GPC6: variants seen among roughly 807,000 people sequenced by gnomAD.
The protein encoded by GPC6 is glypican 6.
A neutral mutation model predicts 55.2 loss-of-function variants in GPC6; 14 were observed. The observed-to-expected ratio is 0.25, with a 90% CI of 0.17 to 0.40. The LOEUF is 0.40. GPC6 is among the 10% of genes least tolerant of loss of function. The pLI is 1.00. For missense variants in GPC6, 641 were observed against 708.5 expected, an observed-to-expected ratio of 0.90 and a Z score of 1.08; for synonymous variants, 278 against 259.6, an observed-to-expected ratio of 1.07 and a Z score of -0.68.
chr13:93,948,525 C>A (rs1379856860), intron 3 of GPC6, among the ~76,000 whole-genome samples: 1 of 152,128 alleles, frequency 6.6e-6, no homozygotes, highest in Non-Finnish European at 1.5e-5. Flanking sequence ...TTAATAGATA[C>A]ATCCAATGTT....
chr13:93,920,496 C>T (rs918258051), intron 3 of GPC6, among the ~76,000 whole-genome samples: 1 of 152,170 alleles, frequency 6.6e-6, no homozygotes, highest in African/African-American at 2.4e-5. Context: ...TCAAGTTTAA[C>T]AGGTTCAAAA....
intron 1 of GPC6, among the ~76,000 whole-genome samples, chr13:93,462,186 A>T (rs547248996): frequency 4.3e-4 from 65 of 152,272 alleles, no homozygotes; most frequent in Non-Finnish European, 7.6e-4. Context: ...TATCTGTTGG[A>T]TGAGATTCAA....
intron 4 of GPC6, among the ~76,000 whole-genome samples, chr13:94,074,829 T>G (rs2138787547): frequency 6.6e-6 from 1 of 152,344 alleles, no homozygotes; most frequent in Middle Eastern, 3.4e-3. Flanking sequence ...TATTCTTTCC[T>G]TAGTTAAATG....
In GPC6 at chr13:94,404,243, T is replaced by G. The variant is rs535690035; in HGVS notation, c.*1026T>G. 1.3e-5 allele frequency: 2 copies of G among 152,228 alleles called. No homozygotes were observed. The highest frequency in any genetic ancestry group is 3.9e-4 in the East Asian group (2 of 5,186). 9.4% of individuals were successfully genotyped at this position (152,228 alleles called of 1,614,324 possible). A position where few individuals can be genotyped will look rare whatever the true frequency, so the allele number is the denominator to read the frequency against. On this transcript the variant is annotated 3_prime_UTR_variant, in exon 9 of 9. Transcript: ENST00000377047. ...TAACTATTTACTTTGTGTCAGTTGG[T>G]TTCTGCATCACAAGGGCATTCTCTT...
intron 4 of GPC6, among the ~76,000 whole-genome samples, chr13:94,107,440 A>T (rs953643252): frequency 6.6e-6 from 1 of 152,118 alleles, no homozygotes; most frequent in African/African-American, 2.4e-5. Flanking sequence ...TCACAACTCT[A>T]TAATATGTAG....
intron 1 of GPC6, among the ~76,000 whole-genome samples, chr13:93,542,685 T>C (rs988215763): frequency 1.3e-5 from 2 of 151,780 alleles, no homozygotes; most frequent in African/African-American, 2.4e-5. Context: ...TTGTTTGTAT[T>C]CTCTTTTATT....
intron 7 of GPC6, among the ~76,000 whole-genome samples, chr13:94,389,554 T>C (rs1880554624): frequency 6.6e-6 from 1 of 152,162 alleles, no homozygotes. Context: ...TTTTAGAACA[T>C]AGCCATGTTA....
At chr13:93,711,418 C>T (rs1883058575) in intron 2 of GPC6, among the ~76,000 whole-genome samples, 1 of 151,730 alleles carries the variant, frequency 6.6e-6, no homozygotes, top group African/African-American at 2.4e-5. Context: ...GAATGACCTC[C>T]TACTGCCCTC....
intron 2 of GPC6, among the ~76,000 whole-genome samples, chr13:93,775,531 A>G (rs771007553): frequency 6.6e-6 from 1 of 152,192 alleles, no homozygotes; most frequent in East Asian, 1.9e-4. Flanking sequence ...CTGAAAACTA[A>G]GTGAAGCTAC....
chr13:93,583,708 G>A (rs922131522), intron 2 of GPC6, among the ~76,000 whole-genome samples: 2 of 152,178 alleles, frequency 1.3e-5, no homozygotes, highest in Non-Finnish European at 2.9e-5. Flanking sequence ...GAACCACCAC[G>A]CCTGGCCCCC....
intron 1 of GPC6, among the ~76,000 whole-genome samples, chr13:93,336,437 A>G (rs1025727747): frequency 1.2e-4 from 18 of 152,214 alleles, no homozygotes; most frequent in Non-Finnish European, 2.9e-5. Context: ...AGCACCAAAA[A>G]TTAATAAGCT....
chr13:93,230,687 GGA>G (rs2139000270), intron 1 of GPC6, among the ~76,000 whole-genome samples: 1 of 152,176 alleles, frequency 6.6e-6, no homozygotes, highest in South Asian at 2.1e-4. Flanking sequence ...TTCTTTGTTA[GGA>G]GAGTTACTCT....
intron 6 of GPC6, among the ~76,000 whole-genome samples, chr13:94,339,116 G>A (rs1877884390): frequency 6.6e-6 from 1 of 151,874 alleles, no homozygotes; most frequent in Non-Finnish European, 1.5e-5. Flanking sequence ...CCAGGCTAGA[G>A]TGAAGTGGCG....
intron 6 of GPC6, among the ~76,000 whole-genome samples, chr13:94,329,839 G>A (rs1360935179): frequency 6.6e-6 from 1 of 151,698 alleles, no homozygotes; most frequent in Non-Finnish European, 1.5e-5. Context: ...AAATCCCTGG[G>A]TCAGAAATTT....
intron 1 of GPC6, among the ~76,000 whole-genome samples, chr13:93,434,266 A>T (rs931302786): frequency 6.6e-6 from 1 of 152,186 alleles, no homozygotes; most frequent in Non-Finnish European, 1.5e-5. Context: ...CGGTTCAGCT[A>T]CTACATAGCA....
At chr13:93,691,998 G>A (rs1386779419) in intron 2 of GPC6, among the ~76,000 whole-genome samples, 1 of 151,980 alleles carries the variant, frequency 6.6e-6, no homozygotes, top group Non-Finnish European at 1.5e-5. Flanking sequence ...ATGGTTATTT[G>A]CATCATTGAA....
At chr13:94,083,012 A>T (rs1239580129) in intron 4 of GPC6, among the ~76,000 whole-genome samples, 1 of 152,200 alleles carries the variant, frequency 6.6e-6, no homozygotes, top group African/African-American at 2.4e-5. Flanking sequence ...TTGACTCATG[A>T]TCTGTCAGAG....
At chr13:93,506,991 G>A (rs937582542) in intron 1 of GPC6, among the ~76,000 whole-genome samples, 1 of 150,114 alleles carries the variant, frequency 6.7e-6, no homozygotes, top group Non-Finnish European at 1.5e-5. Context: ...CCGGGAGGGA[G>A]GCGAAGCTTG....
intron 6 of GPC6, among the ~76,000 whole-genome samples, chr13:94,363,430 C>T (rs918609265): frequency 1.3e-5 from 2 of 152,134 alleles, no homozygotes; most frequent in Non-Finnish European, 1.5e-5. Context: ...TGCTGTACTT[C>T]GGACAGTTGA....
Sources: allele counts gnomAD v4.1 joint callset (sites outside exome capture counted in the v4.1 genomes callset), GRCh38; gene constraint gnomAD v4.1.1; transcripts MANE v1.5; gene names NCBI Gene and HGNC (gene_info 2026-07-23, HGNC 2026-07-21).